SNX30: variants seen among roughly 807,000 people sequenced by gnomAD.
SNX30 encodes the protein sorting nexin-30.
SNX30 carries 24 observed loss-of-function variants against 46.4 expected under a neutral mutation model. That is an observed-to-expected ratio of 0.52 (90% CI 0.37 to 0.73). SNX30 has a LOEUF of 0.73. Ranked by LOEUF, SNX30 falls within the 30% of genes least tolerant of loss-of-function variation. The pLI is 0.00. For missense variants in SNX30, 533 were observed against 555.7 expected (o/e 0.96, Z 0.41); for synonymous variants, 189 against 211.5 (o/e 0.89, Z 0.92).
chr9:112,865,339 C>T (rs986365130), intron 8 of SNX30, among the ~76,000 whole-genome samples: 4 of 151,888 alleles, frequency 2.6e-5, no homozygotes, highest in Non-Finnish European at 2.9e-5. Context: ...CAAACCAGTG[C>T]GAGGCCAGGT....
At chr9:112,831,255 T>C (rs1840655740) in intron 4 of SNX30, among the ~76,000 whole-genome samples, 1 of 152,192 alleles carries the variant, frequency 6.6e-6, no homozygotes, top group Non-Finnish European at 1.5e-5. Context: ...CTGTGTCCAT[T>C]AGCATGCTTT....
rs2131338845 is a variant in SNX30, at chr9:112,750,854, C to T, written c.-148C>T. 2 of 642,240 alleles carry T rather than the reference C, an allele frequency of 3.1e-6. No individual in the cohort carries two copies. Among genetic ancestry groups the T allele is most frequent in the South Asian group, 7.0e-5 (1 of 14,200 alleles). The allele number at this position is 642,240 out of a possible 1,614,324, so 39.8% of individuals were successfully genotyped here. ...CGTCTGAGCGCCGGCAGAGACCAGC[C>T]GGCGGGTGGCGGCGGCCCCCAGCAC... is the stretch of plus-strand genomic sequence containing the variant. On this transcript the variant is annotated 5_prime_UTR_variant, in exon 1 of 9. Coordinates refer to ENST00000374232, the MANE Select transcript of SNX30 (RefSeq NM_001012994.2).
rs1840649725 is a variant in SNX30 at position 112,830,865 on chromosome 9, T to C, written c.600T>C (p.Asn200=). 3 of 1,611,644 alleles carry C rather than the reference T, an allele frequency of 1.9e-6. No individual in the cohort carries two copies. The East Asian group carries it at 6.7e-5, about 36-fold the overall frequency. ...TGCTGTCTTTCAATGAACACTTTAA[T>C]ATTTTCCTTACTGCTAAGGTAAGGG... ...HPVLSFNEHF[N]IFLTAKDLNA... Residue 200 remains asparagine, a synonymous_variant, in exon 4 of 9, where the codon AAT becomes AAC. Coordinates refer to ENST00000374232, the MANE Select transcript of SNX30 (RefSeq NM_001012994.2).
At chr9:112,852,704 A>G (rs1841048813) in intron 7 of SNX30, among the ~76,000 whole-genome samples, 1 of 152,192 alleles carries the variant, frequency 6.6e-6, no homozygotes, top group African/African-American at 2.4e-5. Flanking sequence ...TTTGCTACCT[A>G]CCATTACATC....
chr9:112,769,289 CTT>C (rs1839606712), intron 1 of SNX30, among the ~76,000 whole-genome samples: 1 of 152,216 alleles, frequency 6.6e-6, no homozygotes, highest in Non-Finnish European at 1.5e-5. Context: ...TCGTTTCTGT[CTT>C]TTGATCCTCC....
At chr9:112,808,126 T>G (rs1027434768) in intron 2 of SNX30, among the ~76,000 whole-genome samples, 1 of 151,950 alleles carries the variant, frequency 6.6e-6, no homozygotes, top group Non-Finnish European at 1.5e-5. Context: ...ATCGTAGGGG[T>G]GTGTGAGAAT....
intron 3 of SNX30, among the ~76,000 whole-genome samples, chr9:112,819,554 A>G (rs999708404): frequency 2.6e-5 from 4 of 152,152 alleles, no homozygotes; most frequent in Non-Finnish European, 4.4e-5. Context: ...GGTGTGAGCC[A>G]CCACGCCCGG....
chr9:112,865,744 A>AGTGT lies in SNX30; in HGVS notation c.1254+1358_1254+1361dup, dbSNP rs35558616. Among the ~76,000 whole-genome samples, 171 of 140,008 alleles carry AGTGT rather than the reference A, an allele frequency of 1.2e-3. 1 individual carries two copies. The South Asian group carries it at 0.016, about 13-fold the overall frequency. The allele number at this position is 140,008 out of a possible 152,430, so 91.9% of individuals were successfully genotyped here. On this transcript the variant is annotated intron_variant, in intron 8 of 8. Coordinates refer to ENST00000374232, the MANE Select transcript of SNX30 (RefSeq NM_001012994.2). ...ACATACATACATACACACATGAGTG[A>AGTGT]GTGTGTGTGTGTGTGTATGTATGTA...
At chr9:112,832,196 G>C (rs544957576) in intron 4 of SNX30, among the ~76,000 whole-genome samples, 3 of 152,048 alleles carry the variant, frequency 2.0e-5, no homozygotes, top group Non-Finnish European at 4.4e-5. Context: ...GGTTGGACAG[G>C]TACACTTTTT....
intron 1 of SNX30, among the ~76,000 whole-genome samples, chr9:112,760,853 C>T (rs1839423149): frequency 6.6e-6 from 1 of 152,100 alleles, no homozygotes; most frequent in Admixed American, 6.5e-5. Context: ...GGGGGTATGT[C>T]TGCAGATCAG....
chr9:112,804,887 G>A lies in SNX30; in HGVS notation c.268G>A (p.Asp90Asn), dbSNP rs1394956865. The A allele has an allele frequency of 1.2e-6, 2 of 1,613,942 alleles. No homozygotes were observed. Among genetic ancestry groups the A allele is most frequent in the Admixed American group, 1.7e-5 (1 of 60,012 alleles). Residue 90 changes from aspartate (D) to asparagine (N), a missense_variant, in exon 2 of 9, where the codon GAT becomes AAT. Asp to Asn is a conservative substitution (Grantham distance 23, BLOSUM62 1). This residue lies in a region of SNX30 where 191 missense variants were observed against 160.3 expected (regional missense o/e 1.19). Transcript: ENST00000374232. ...TGATGATATTGATGGTGAGACTAGA[G>A]ATCTCTTCGTTATAGTTGATGATCC... is the stretch of plus-strand genomic sequence containing the variant. ...LDDDIDGETRDLFVIVDDPKK... is the reference protein window; with the variant it reads ...LDDDIDGETRNLFVIVDDPKK...
At chr9:112,860,217 AT>A (rs1374683368) in intron 7 of SNX30, among the ~76,000 whole-genome samples, 2 of 152,214 alleles carry the variant, frequency 1.3e-5, no homozygotes, top group Non-Finnish European at 2.9e-5. Context: ...AAGTGCTGGG[AT>A]TACAGGCGTG....
intron 1 of SNX30, among the ~76,000 whole-genome samples, chr9:112,783,781 C>A (rs1839880573): frequency 1.3e-5 from 2 of 152,202 alleles, no homozygotes; most frequent in South Asian, 4.1e-4. Context: ...AGTTTCTGTG[C>A]TGAGGGCTGC....
chr9:112,859,543 A>G (rs181876166), intron 7 of SNX30, among the ~76,000 whole-genome samples: 5 of 152,366 alleles, frequency 3.3e-5, no homozygotes, highest in East Asian at 1.9e-4. Context: ...ACTGTTTTCC[A>G]TAGCAGCTAT....
Position 112,767,123 on chromosome 9 carries a change from TA to T in SNX30, c.156+15967del, listed in dbSNP as rs1416620426. Among the ~76,000 whole-genome samples, 982 of 146,278 alleles carry T rather than the reference TA, an allele frequency of 6.7e-3. 11 individuals carry two copies. The highest frequency in any genetic ancestry group is 0.023 in the African/African-American group (921 of 40,144). On this transcript the variant is annotated intron_variant, in intron 1 of 8. Transcript: ENST00000374232. ...ATGTCTTTGCCAACACTAATTATTTTATTTTTTTTTTTTGATAGTAGTTATT... is the reference window on the plus strand; with the variant it reads ...ATGTCTTTGCCAACACTAATTATTTTTTTTTTTTTTTTGATAGTAGTTATT...
In SNX30 at chr9:112,871,193, T is replaced by G. The variant is rs544706101; in HGVS notation, c.*2350T>G. 3 of 152,240 alleles carry G rather than the reference T, an allele frequency of 2.0e-5. No individual in the cohort carries two copies. The highest frequency in any genetic ancestry group is 2.4e-5 in the African/African-American group (1 of 41,452). The allele number at this position is 152,240 out of a possible 1,614,324, so 9.4% of individuals were successfully genotyped here. ...GAAAGACCTGGAACAAGGCAAACTTTATGTCCTCCTGGCATGTTATTGATA... is the reference window on the plus strand; with the variant it reads ...GAAAGACCTGGAACAAGGCAAACTTGATGTCCTCCTGGCATGTTATTGATA... On this transcript the variant is annotated 3_prime_UTR_variant, in exon 9 of 9. Transcript: ENST00000374232.
chr9:112,822,889 G>T (rs1840527200), intron 3 of SNX30, among the ~76,000 whole-genome samples: 1 of 152,138 alleles, frequency 6.6e-6, no homozygotes, highest in Non-Finnish European at 1.5e-5. Flanking sequence ...TTGGTTATCA[G>T]GCTGGAGATC....
chr9:112,823,101 A>T lies in SNX30; in HGVS notation c.459+5286A>T, dbSNP rs1005829739. Among the ~76,000 whole-genome samples the T allele has an allele frequency of 2.0e-5, 3 of 152,244 alleles. No homozygotes were observed. In the South Asian group the frequency reaches 6.2e-4, roughly 31 times the overall value. ...CATATACATATATAGGTATGTATAT[A>T]CAGGTGGGAAGTTCACTTGAGCCCA... is the stretch of plus-strand genomic sequence containing the variant. On this transcript the variant is annotated intron_variant, in intron 3 of 8. Coordinates refer to ENST00000374232, the MANE Select transcript of SNX30 (RefSeq NM_001012994.2).
intron 1 of SNX30, among the ~76,000 whole-genome samples, chr9:112,766,628 C>G (rs1362748960): frequency 6.6e-6 from 1 of 152,186 alleles, no homozygotes; most frequent in Non-Finnish European, 1.5e-5. Flanking sequence ...TCTCTGTCTT[C>G]CCCAGCCCTA....
Sources: allele counts gnomAD v4.1 joint callset (sites outside exome capture counted in the v4.1 genomes callset), GRCh38; gene constraint gnomAD v4.1.1; regional missense constraint gnomAD v4.1.1; transcripts MANE v1.5; gene names NCBI Gene and HGNC (gene_info 2026-07-23, HGNC 2026-07-21).